Variants in IGF1R observed in about 807,000 individuals in gnomAD.
IGF1R encodes the protein insulin like growth factor 1 receptor.
In IGF1R, 44 loss-of-function variants were observed where a neutral mutation model predicts 144.6. That is an observed-to-expected ratio of 0.30 (90% confidence interval 0.24 to 0.39). The LOEUF is 0.39. IGF1R is among the 10% of genes least tolerant of loss of function. The probability of loss-of-function intolerance (pLI) is 1.00; values close to 1 mark genes in which losing one functional copy is unlikely to be tolerated. For missense variants in IGF1R, 1,355 were observed against 1,833.7 expected (o/e 0.74, Z 4.77); for synonymous variants, 795 against 722.8 (o/e 1.10, Z -1.60).
chr15:98,867,999 G>A (rs1480029026), intron 2 of IGF1R, among the ~76,000 whole-genome samples: 1 of 152,132 alleles, frequency 6.6e-6, no homozygotes, highest in African/African-American at 2.4e-5. Flanking sequence ...TCGGGAGTTC[G>A]AGACTAGCCT....
rs369463083 is a variant in IGF1R at position 98,729,236 on chromosome 15, G to T, written c.640+21129G>T. On this transcript the variant is annotated intron_variant, in intron 2 of 20. Coordinates refer to ENST00000650285, the MANE Select transcript of IGF1R (RefSeq NM_000875.5). ...TGAGATAAATTAAGTGGAAAAAGGT[G>T]TAGAGCATTATATGTACTCTGATTC... is the stretch of plus-strand genomic sequence containing the variant. 2.9e-4 allele frequency among the ~76,000 whole-genome samples: 44 copies of T among 152,332 alleles called. No homozygotes were observed. The South Asian group carries it at 8.3e-3, about 29-fold the overall frequency.
chr15:98,726,142 G>A (rs1398590435), intron 2 of IGF1R, among the ~76,000 whole-genome samples: 1 of 152,216 alleles, frequency 6.6e-6, no homozygotes, highest in African/African-American at 2.4e-5. Flanking sequence ...CAGTCTGTAG[G>A]GTGGATATGG....
intron 2 of IGF1R, among the ~76,000 whole-genome samples, chr15:98,838,949 C>A (rs2011130841): frequency 1.3e-5 from 2 of 152,226 alleles, no homozygotes; most frequent in Admixed American, 1.3e-4. Flanking sequence ...TGAGTCCCCA[C>A]TCAACCCCAG....
At chr15:98,774,394 T>G (rs2055662412) in intron 2 of IGF1R, among the ~76,000 whole-genome samples, 3 of 152,220 alleles carry the variant, frequency 2.0e-5, no homozygotes. Flanking sequence ...TACCATTGAT[T>G]GCACAGGGAC....
rs762083768 is a variant in IGF1R at position 98,891,274 on chromosome 15, G to A, written c.641-51G>A. 1 of 1,565,404 alleles carries A rather than the reference G, an allele frequency of 6.4e-7. No homozygotes were observed. Among genetic ancestry groups the A allele is most frequent in the South Asian group, 1.1e-5 (1 of 88,892 alleles). ...AGGATGCTGGCCAGGCCCAGAGAAG[G>A]CGGTGCCTCCCCTGCCCGGTCTCAT... On this transcript the variant is annotated intron_variant, in intron 2 of 20. Transcript: ENST00000650285. The surrounding 1 kb of genome is among the most constrained non-coding windows in gnomAD (Gnocchi z 4.7).
At chr15:98,748,999 ATC>A (rs2141329618) in intron 2 of IGF1R, among the ~76,000 whole-genome samples, 1 of 152,204 alleles carries the variant, frequency 6.6e-6, no homozygotes, top group East Asian at 1.9e-4. Context: ...GGTGGGAATT[ATC>A]TCTTTTCTTT....
intron 1 of IGF1R, among the ~76,000 whole-genome samples, chr15:98,680,417 C>T (rs1419537316): frequency 5.3e-5 from 8 of 152,078 alleles, no homozygotes. Context: ...CAGGCGCCTG[C>T]CACCACGCCT....
rs1398802882 is a variant in IGF1R at position 98,877,516 on chromosome 15, C to CG, written c.641-13809_641-13808insG. Among the ~76,000 whole-genome samples the CG allele has an allele frequency of 1.3e-4, 8 of 60,824 alleles. No individual in the cohort carries two copies. The Admixed American group carries it at 1.5e-3, about 11-fold the overall frequency. The allele number at this position is 60,824 out of a possible 152,430, so 39.9% of individuals were successfully genotyped here. ...TTTTTTTTTTTTTTTTTTTTTTTCCCCAAAAAATTTGCTACTCTTGAGGTT... is the reference window on the plus strand; with the variant it reads ...TTTTTTTTTTTTTTTTTTTTTTTCCCGCAAAAAATTTGCTACTCTTGAGGTT... On this transcript the variant is annotated intron_variant, in intron 2 of 20. Coordinates refer to ENST00000650285, the MANE Select transcript of IGF1R (RefSeq NM_000875.5).
intron 2 of IGF1R, among the ~76,000 whole-genome samples, chr15:98,804,762 A>T (rs2056436248): frequency 6.6e-6 from 1 of 152,194 alleles, no homozygotes; most frequent in African/African-American, 2.4e-5. Flanking sequence ...CAATTGTGCA[A>T]TCTCGGCTCA....
chr15:98,655,732 T>TC (rs1176435297), intron 1 of IGF1R, among the ~76,000 whole-genome samples: 1 of 151,980 alleles, frequency 6.6e-6, no homozygotes, highest in Non-Finnish European at 1.5e-5. Flanking sequence ...TTTTTCTTTT[T>TC]TTTTTTTGAG....
chr15:98,795,144 A>G (rs1034365546), intron 2 of IGF1R, among the ~76,000 whole-genome samples: 1 of 152,212 alleles, frequency 6.6e-6, no homozygotes, highest in Non-Finnish European at 1.5e-5. Context: ...GAAAATATTG[A>G]CTATTGTAGC....
At chr15:98,657,309 G>A (rs979883469) in intron 1 of IGF1R, among the ~76,000 whole-genome samples, 1 of 152,196 alleles carries the variant, frequency 6.6e-6, no homozygotes, top group African/African-American at 2.4e-5. Context: ...AGGAAGCATG[G>A]AGAGAAATTC....
At chr15:98,684,814 G>A (rs1200834258) in intron 1 of IGF1R, among the ~76,000 whole-genome samples, 1 of 151,928 alleles carries the variant, frequency 6.6e-6, no homozygotes, top group Admixed American at 6.6e-5. Flanking sequence ...TATTTAGTGA[G>A]TGTGATTTGG....
In IGF1R at chr15:98,911,425, G is replaced by A. The variant is rs201778894; in HGVS notation, c.1573G>A (p.Val525Ile). 60 of 1,614,168 alleles carry A rather than the reference G, an allele frequency of 3.7e-5. No individual in the cohort carries two copies. The highest frequency in any genetic ancestry group is 2.0e-4 in the Admixed American group (12 of 60,016). Residue 525 changes from valine (V) to isoleucine (I), a missense_variant, in exon 7 of 21, where the codon GTT becomes ATT. Coordinates refer to ENST00000650285, the MANE Select transcript of IGF1R (RefSeq NM_000875.5). ...CTACAGGGATCTCATCAGCTTCACC[G>A]TTTACTACAAGGAAGCGTGAGTTTC... Reference protein sequence around the residue: ...PDYRDLISFTVYYKEAPFKNV... With the variant: ...PDYRDLISFTIYYKEAPFKNV...
intron 2 of IGF1R, among the ~76,000 whole-genome samples, chr15:98,848,073 C>T (rs1218587626): frequency 3.9e-5 from 6 of 152,162 alleles, no homozygotes; most frequent in East Asian, 3.9e-4. Flanking sequence ...GAGCTAGCAG[C>T]TGGAGGGCAT....
At chr15:98,757,838 A>G (rs540354014) in intron 2 of IGF1R, among the ~76,000 whole-genome samples, 8 of 152,104 alleles carry the variant, frequency 5.3e-5, no homozygotes, top group Admixed American at 2.6e-4. Context: ...ATCTTATTCA[A>G]TGGTTGCCAT....
At chr15:98,887,027 GTGC>G (rs1388184622) in intron 2 of IGF1R, among the ~76,000 whole-genome samples, 1 of 152,236 alleles carries the variant, frequency 6.6e-6, no homozygotes, top group African/African-American at 2.4e-5. Context: ...CATAGAGCAT[GTGC>G]TTATGCATAG....
In IGF1R at chr15:98,962,573, T is replaced by TA. The variant is rs1291599480; in HGVS notation, c.*5132dup. Reference sequence around the variant, plus strand: ...AGGGTTTCATTTTTGGCCTTCATCTTAGATGACTGGTTGCGTCATTTGGAG... The same window carrying TA: ...AGGGTTTCATTTTTGGCCTTCATCTTAAGATGACTGGTTGCGTCATTTGGAG... On this transcript the variant is annotated 3_prime_UTR_variant, in exon 21 of 21. Coordinates refer to ENST00000650285, the MANE Select transcript of IGF1R (RefSeq NM_000875.5). 6.0e-5 allele frequency: 14 copies of TA among 233,680 alleles called. No homozygotes were observed. The East Asian group carries it at 8.4e-4, about 14-fold the overall frequency. The allele number at this position is 233,680 out of a possible 1,614,324, so 14.5% of individuals were successfully genotyped here.
intron 2 of IGF1R, among the ~76,000 whole-genome samples, chr15:98,838,775 G>A (rs1204435498): frequency 6.6e-6 from 1 of 152,262 alleles, no homozygotes; most frequent in African/African-American, 2.4e-5. Context: ...CTCTGAGCAT[G>A]AGGGAAGTAA....
Sources: gnomAD v4.1 joint callset for allele counts (sites outside exome capture counted in the v4.1 genomes callset) on GRCh38, gnomAD v4.1.1 for gene constraint, Gnocchi (gnomAD v3.1) non-coding constraint, MANE v1.5 for transcripts, NCBI Gene and HGNC (gene_info 2026-07-23, HGNC 2026-07-21) for gene names.